Variants in TRAP1 observed in about 807,000 individuals in gnomAD.
The protein encoded by TRAP1 is TNF receptor associated protein 1.
TRAP1 carries 102 observed loss-of-function variants against 89.1 expected under a neutral mutation model. The ratio of observed to expected loss-of-function variants is 1.15; its 90% confidence interval spans 0.98 to 1.35. The LOEUF is 1.35. TRAP1 is among the 40% of genes most tolerant of loss of function. TRAP1 has a pLI of 0.00. For missense variants in TRAP1, 1,256 were observed against 945.3 expected (o/e 1.33, Z -4.31); for synonymous variants, 508 against 388.0 (o/e 1.31, Z -3.64).
chr16:3,672,013 C>T (rs191216818), intron 10 of TRAP1, among the ~76,000 whole-genome samples: 5 of 152,328 alleles, frequency 3.3e-5, no homozygotes, highest in Admixed American at 6.5e-5. Flanking sequence ...GGGTAACACT[C>T]GGAAAATGAC....
At position 3,658,693 on chromosome 16, in the gene TRAP1, A is replaced by G. The variant is rs2042875036; in HGVS notation, c.2013+100T>C. 5 of 1,199,914 alleles carry G rather than the reference A, an allele frequency of 4.2e-6. No individual in the cohort carries two copies. The African/African-American group carries it at 6.1e-5, about 15-fold the overall frequency. The allele number at this position is 1,199,914 out of a possible 1,614,324, so 74.3% of individuals were successfully genotyped here. A position where few individuals can be genotyped will look rare whatever the true frequency, so the allele number is the denominator to read the frequency against. On this transcript the variant is annotated intron_variant, in intron 17 of 17. Transcript: ENST00000246957. ...TCTCAAAAAACAAACAAACAAACAA[A>G]AAGACAGGATTTTAGAGGAAACCGC...
At chr16:3,694,287 G>A (rs942455058) in intron 1 of TRAP1, among the ~76,000 whole-genome samples, 6 of 152,038 alleles carry the variant, frequency 3.9e-5, no homozygotes, top group Non-Finnish European at 1.5e-5. Context: ...TGATACATCT[G>A]AAATGACCCA....
At chr16:3,676,279 C>G in intron 6 of TRAP1, 134 bp from the exon 7 acceptor site, 2 of 614,178 alleles carry the variant, frequency 3.3e-6, no homozygotes, top group Middle Eastern at 3.4e-4. Context: ...TGCCCCATTT[C>G]TGACCCCAGC....
rs2050777263 is a variant in TRAP1 at position 3,664,399 on chromosome 16, T to G, written c.1444A>C (p.Ser482Arg). ...ATGCGGCTGGCGTATTCTGAGAGGC[T>G]GGTTAGCTGCCCGGAGGGCAGCGCC... ...SSALPSGQLT[S>R]LSEYASRMRA... Residue 482 changes from serine to arginine, a missense_variant, in exon 13 of 18, where the codon AGC becomes CGC. Ser to Arg is a moderately radical substitution (Grantham distance 110). Transcript: ENST00000246957. 12 of 1,612,388 alleles carry G rather than the reference T, an allele frequency of 7.4e-6. No individual in the cohort carries two copies. The highest frequency in any genetic ancestry group is 1.3e-5 in the African/African-American group (1 of 75,008).
At chr16:3,662,386 A>G (rs2043134285) in intron 15 of TRAP1, 1 of 580,944 alleles carries the variant, frequency 1.7e-6, no homozygotes, top group Admixed American at 3.0e-5. Context: ...AGCTGCCCGA[A>G]TCCATCGTCC....
At chr16:3,707,857 CA>C (rs60090855) in intron 1 of TRAP1, among the ~76,000 whole-genome samples, 63,933 of 102,502 alleles carry the variant, frequency 0.62, 18,375 homozygotes, top group African/African-American at 0.79. Flanking sequence ...GACTCTAACT[CA>C]AAAAAAAAAA....
chr16:3,676,029 C>T lies in TRAP1; in HGVS notation c.814+7G>A, dbSNP rs200147206. 1.3e-4 allele frequency: 202 copies of T among 1,609,974 alleles called. 1 individual carries two copies. The Middle Eastern group carries it at 1.6e-3, about 12-fold the overall frequency. On this transcript the variant is annotated splice_region_variant and intron_variant, in intron 7 of 17. Coordinates refer to ENST00000246957, the MANE Select transcript of TRAP1 (RefSeq NM_016292.3). ...CAGAGTGAGCCTGGGCCCGGGCTCC[C>T]GCTCACCTCGCACCCGGGCCTCGCT...
At chr16:3,702,783 C>T (rs1482305237) in intron 1 of TRAP1, among the ~76,000 whole-genome samples, 2 of 151,578 alleles carry the variant, frequency 1.3e-5, no homozygotes, top group African/African-American at 2.4e-5. Context: ...TGGCTCACAC[C>T]TGTAATCCTG....
chr16:3,663,236 C>G (rs2050728976), intron 14 of TRAP1, 188 bp downstream of exon 14: 2 of 758,522 alleles, frequency 2.6e-6, no homozygotes, highest in Non-Finnish European at 4.2e-6. Flanking sequence ...GAGCACTGGA[C>G]AGACCCCTGA....
intron 13 of TRAP1, 52 bp downstream of exon 13, chr16:3,664,222 A>C (rs1596695503): frequency 6.8e-7 from 1 of 1,479,578 alleles, no homozygotes; most frequent in Non-Finnish European, 9.0e-7. Context: ...GAAGGTCAAG[A>C]CCCTCCCCAG....
intron 16 of TRAP1, chr16:3,660,916 C>CCTGT (rs1174437015): frequency 6.6e-6 from 1 of 151,586 alleles, no homozygotes; most frequent in Admixed American, 6.6e-5. Context: ...AGAGTGAGAC[C>CCTGT]CTGTCTCAAA....
chr16:3,695,673 G>C (rs560015602), intron 1 of TRAP1, among the ~76,000 whole-genome samples: 1 of 152,104 alleles, frequency 6.6e-6, no homozygotes, highest in Non-Finnish European at 1.5e-5. Flanking sequence ...TCTGAAAGAA[G>C]AACTAACCTA....
intron 11 of TRAP1, 77 bp downstream of exon 11, chr16:3,671,645 T>G: frequency 6.6e-7 from 1 of 1,510,556 alleles, no homozygotes; most frequent in East Asian, 2.3e-5. Flanking sequence ...GGGCCACGGC[T>G]AGGGCCCTCT....
At chr16:3,700,469 T>TTTTG (rs563678667) in intron 1 of TRAP1, among the ~76,000 whole-genome samples, 1 of 149,022 alleles carries the variant, frequency 6.7e-6, no homozygotes, top group East Asian at 2.0e-4. Context: ...GCCCAGACTT[T>TTTTG]TTTGTTTGTT....
chr16:3,712,944 A>G (rs1015091302), intron 1 of TRAP1, among the ~76,000 whole-genome samples: 20 of 152,122 alleles, frequency 1.3e-4, no homozygotes, highest in African/African-American at 4.6e-4. Context: ...GCACTCAGAT[A>G]ACTCAGTTCC....
At chr16:3,666,650 G>T (rs1018474327) in intron 11 of TRAP1, among the ~76,000 whole-genome samples, 2 of 152,058 alleles carry the variant, frequency 1.3e-5, no homozygotes, top group African/African-American at 4.8e-5. Context: ...CCCAATGTGG[G>T]TAAATTACAG....
chr16:3,672,559 A>T, intron 10 of TRAP1, 141 bp downstream of exon 10: 1 of 1,346,198 alleles, frequency 7.4e-7, no homozygotes, highest in Non-Finnish European at 9.8e-7. Context: ...TGTAAACGCG[A>T]CTGACACACA....
chr16:3,674,572 T>A (rs1188185689), intron 8 of TRAP1, 78 bp from the exon 9 acceptor site: 2 of 1,532,776 alleles, frequency 1.3e-6, no homozygotes, highest in Admixed American at 1.8e-5. Context: ...CCTGAGCCAG[T>A]GCAGCGCCTG....
Position 3,658,836 on chromosome 16 carries a change from A to G in TRAP1, c.1970T>C (p.Leu657Pro). 2 of 1,614,026 alleles carry G rather than the reference A, an allele frequency of 1.2e-6. No homozygotes were observed. The highest frequency in any genetic ancestry group is 1.7e-6 in the Non-Finnish European group (2 of 1,180,006). ...AGCCAGGCCAGGCTCGCTTGCGCGC[A>G]GCTGATTCAGCTTCTTGATGAGCGC... ...RHALIKKLNQ[L>P]RASEPGLAQL... The change falls in exon 17 of 18, where the codon CTG becomes CCG. Residue 657 changes from leucine to proline, a missense_variant. Transcript: ENST00000246957.
Sources: allele counts gnomAD v4.1 joint callset (sites outside exome capture counted in the v4.1 genomes callset), GRCh38; gene constraint gnomAD v4.1.1; transcripts MANE v1.5; gene names NCBI Gene and HGNC (gene_info 2026-07-23, HGNC 2026-07-21).